LINC02747: variants seen among roughly 807,000 people sequenced by gnomAD.
LINC02747 encodes CCND1-upstream intergenic DNA repair 2.
intron 1 of LINC02747, among the ~76,000 whole-genome samples, chr11:69,479,342 C>T (rs960286923): frequency 6.8e-6 from 1 of 146,218 alleles, no homozygotes; most frequent in Non-Finnish European, 1.5e-5. Context: ...TGTGGAAGAA[C>T]ATAAAAAAGA....
chr11:69,476,902 G>C (rs915050785), exon 2 of LINC02747: 2 of 152,306 alleles, frequency 1.3e-5, no homozygotes, highest in Non-Finnish European at 2.9e-5. Context: ...AGGCTGGAGA[G>C]CCAGCAAGGA....
chr11:69,478,809 C>T (rs1466513952), intron 1 of LINC02747, among the ~76,000 whole-genome samples: 10 of 151,894 alleles, frequency 6.6e-5, no homozygotes, highest in Admixed American at 4.6e-4. Context: ...GAGGCTGCAG[C>T]GAGCCGAGAT....
intron 1 of LINC02747, among the ~76,000 whole-genome samples, chr11:69,478,331 G>A (rs769870518): frequency 2.6e-5 from 4 of 152,050 alleles, no homozygotes; most frequent in African/African-American, 9.7e-5. Flanking sequence ...CACAGGTACC[G>A]AGAGGGATCG....
chr11:69,479,630 C>T (rs1002119195), intron 1 of LINC02747: 1 of 152,282 alleles, frequency 6.6e-6, no homozygotes, highest in Non-Finnish European at 1.5e-5. Flanking sequence ...GTCACAGCCT[C>T]CAGCCTCTTG....
intron 1 of LINC02747, among the ~76,000 whole-genome samples, chr11:69,478,897 T>C (rs1038127855): frequency 2.0e-5 from 3 of 151,462 alleles, no homozygotes; most frequent in Non-Finnish European, 4.4e-5. Context: ...GATGGCAAGA[T>C]ATCATAATAA....
At chr11:69,479,335 G>A (rs1223095588) in intron 1 of LINC02747, among the ~76,000 whole-genome samples, 2 of 151,786 alleles carry the variant, frequency 1.3e-5, no homozygotes, top group Non-Finnish European at 2.9e-5. Context: ...GTATATATGT[G>A]GAAGAACATA....
At chr11:69,477,628 A>G (rs1211678669) in intron 1 of LINC02747, 2 of 152,156 alleles carry the variant, frequency 1.3e-5, no homozygotes, top group African/African-American at 4.8e-5. Flanking sequence ...GGGGAGGAGC[A>G]GAGGTCAAGG....
intron 1 of LINC02747, among the ~76,000 whole-genome samples, chr11:69,477,832 G>A (rs1857010549): frequency 6.6e-6 from 1 of 152,112 alleles, no homozygotes; most frequent in Non-Finnish European, 1.5e-5. Context: ...GGAACAGCAG[G>A]GCAGCTACGA....
exon 2 of LINC02747, chr11:69,476,845 A>C (rs1400043809): frequency 6.6e-6 from 1 of 152,332 alleles, no homozygotes; most frequent in African/African-American, 2.4e-5. Flanking sequence ...GGGGAAGCAC[A>C]TAGCGGGTGA....
chr11:69,476,774 G>A (rs1324241768), exon 2 of LINC02747: 1 of 152,204 alleles, frequency 6.6e-6, no homozygotes. Flanking sequence ...GTCCCTCTAG[G>A]GTCATTAATA....
rs75038424 is a variant in LINC02747, at chr11:69,480,541, A to T, written n.120+885T>A. 3.7e-3 allele frequency among the ~76,000 whole-genome samples: 569 copies of T among 152,264 alleles called. 4 individuals are homozygous for T. The highest frequency in any genetic ancestry group is 0.013 in the African/African-American group (549 of 41,546). ...TTGGGAAATTGAGAAGTCCTCTGAG[A>T]GCTTCCCTTCACCTGATAGTCCCAC... On this transcript the variant is annotated intron_variant and non_coding_transcript_variant, in intron 1 of 1. Transcript: ENST00000645449.
At chr11:69,478,351 C>A (rs1013030167) in intron 1 of LINC02747, among the ~76,000 whole-genome samples, 2 of 152,132 alleles carry the variant, frequency 1.3e-5, no homozygotes, top group Admixed American at 6.5e-5. Flanking sequence ...GGAGTCCCCA[C>A]CCCTGGGGAG....
chr11:69,476,431 G>A (rs1213165764), exon 2 of LINC02747: 4 of 152,218 alleles, frequency 2.6e-5, no homozygotes, highest in Admixed American at 2.6e-4. Flanking sequence ...ACGTGCCTGG[G>A]GAGAGCTGCC....
intron 1 of LINC02747, among the ~76,000 whole-genome samples, chr11:69,478,881 C>T (rs1254968440): frequency 1.3e-5 from 2 of 150,918 alleles, no homozygotes; most frequent in East Asian, 4.0e-4. Flanking sequence ...AAGAAACCAG[C>T]AATCAGATGG....
At chr11:69,477,249 G>A (rs992848763) in exon 2 of LINC02747, 1 of 152,214 alleles carries the variant, frequency 6.6e-6, no homozygotes, top group Non-Finnish European at 1.5e-5. Flanking sequence ...CCACATCACC[G>A]TGGGACTCAC....
At chr11:69,481,519 C>T (rs1401423019) in exon 1 of LINC02747, 1 of 152,364 alleles carries the variant, frequency 6.6e-6, no homozygotes, top group South Asian at 2.1e-4. Flanking sequence ...GAATCAGGTC[C>T]TCACATAGAG....
chr11:69,481,144 C>T (rs1340201174), intron 1 of LINC02747, among the ~76,000 whole-genome samples: 4 of 152,248 alleles, frequency 2.6e-5, no homozygotes, highest in South Asian at 2.1e-4. Context: ...GCCACTGGGG[C>T]AGCCAGTGTT....
intron 1 of LINC02747, among the ~76,000 whole-genome samples, chr11:69,478,023 C>T (rs1489827102): frequency 3.9e-5 from 6 of 152,178 alleles, no homozygotes; most frequent in Admixed American, 6.5e-5. Context: ...TGCTTCGTGC[C>T]AGGCACTGCC....
At chr11:69,479,277 AGAGAGAGAGAGAGAG>A (rs1188296038) in intron 1 of LINC02747, among the ~76,000 whole-genome samples, 1 of 140,230 alleles carries the variant, frequency 7.1e-6, no homozygotes, top group Non-Finnish European at 1.5e-5. Flanking sequence ...AAAAAAAAAA[AGAGAGAGAGAGAGAG>A]GAGAGAGAGA....
Sources: gnomAD v4.1 joint callset for allele counts (sites outside exome capture counted in the v4.1 genomes callset) on GRCh38, gnomAD v4.1.1 for gene constraint, MANE v1.5 for transcripts, NCBI Gene and HGNC (gene_info 2026-07-23, HGNC 2026-07-21) for gene names.